Variants in NUBPL observed in about 807,000 individuals in gnomAD.
NUBPL encodes the protein iron-sulfur cluster transfer protein NUBPL.
In NUBPL, 31 loss-of-function variants were observed where a neutral mutation model predicts 45.7. That is an observed-to-expected ratio of 0.68 (90% confidence interval 0.51 to 0.92). The LOEUF (loss-of-function observed/expected upper bound fraction) is 0.92, where lower values mean the gene tolerates loss of function less well. Among genes scored for constraint, NUBPL ranks in the 40% least tolerant of loss-of-function variants. The probability of loss-of-function intolerance (pLI) is 0.00; values close to 1 mark genes in which losing one functional copy is unlikely to be tolerated. For missense variants in NUBPL, 401 were observed against 398.7 expected, an observed-to-expected ratio of 1.01 and a Z score of -0.05; for synonymous variants, 144 against 140.9, an observed-to-expected ratio of 1.02 and a Z score of -0.15.
intron 6 of NUBPL, among the ~76,000 whole-genome samples, chr14:31,725,709 CTTTTTTTTT>C (rs375160082): frequency 9.5e-6 from 1 of 104,974 alleles, no homozygotes; most frequent in African/African-American, 3.8e-5. Context: ...TAGATTTCAG[CTTTTTTTTT>C]TTTTTTTTTT....
chr14:31,729,761 C>G (rs1216260333), intron 6 of NUBPL, among the ~76,000 whole-genome samples: 1 of 152,010 alleles, frequency 6.6e-6, no homozygotes, highest in Non-Finnish European at 1.5e-5. Flanking sequence ...ACTACAGTTA[C>G]TTTTGCACCA....
intron 4 of NUBPL, among the ~76,000 whole-genome samples, chr14:31,656,852 C>G (rs2036152769): frequency 6.6e-6 from 1 of 152,092 alleles, no homozygotes; most frequent in Non-Finnish European, 1.5e-5. Flanking sequence ...TAGGGTTGCA[C>G]AAACCTTTGA....
intron 4 of NUBPL, among the ~76,000 whole-genome samples, chr14:31,672,304 T>C (rs1382391493): frequency 4.1e-5 from 6 of 145,116 alleles, no homozygotes; most frequent in South Asian, 2.2e-4. Flanking sequence ...TGTGTGTGTG[T>C]GTGCATGCAA....
chr14:31,673,337 G>GAT lies in NUBPL; in HGVS notation c.383-17_383-16dup. The GAT allele has an allele frequency of 1.4e-6, 2 of 1,393,378 alleles. No homozygotes were observed. Among genetic ancestry groups the GAT allele is most frequent in the East Asian group, 4.8e-5 (2 of 41,772 alleles). 86.3% of individuals were successfully genotyped at this position (1,393,378 alleles called of 1,614,324 possible). A position where few individuals can be genotyped will look rare whatever the true frequency, so the allele number is the denominator to read the frequency against. On this transcript the variant is annotated splice_polypyrimidine_tract_variant and intron_variant, in intron 4 of 10. Transcript: ENST00000281081. ...TGTGTTTTATTGTTCTAAAAGAGAG[G>GAT]ATTTTTTTTTTTTCCAGGCAACCTA...
At chr14:31,795,193 T>C (rs1281946907) in intron 7 of NUBPL, among the ~76,000 whole-genome samples, 3 of 151,418 alleles carry the variant, frequency 2.0e-5, no homozygotes, top group South Asian at 2.1e-4. Flanking sequence ...TCTTTTGGCT[T>C]AGGATTGACT....
intron 4 of NUBPL, among the ~76,000 whole-genome samples, chr14:31,621,224 G>T (rs2035052168): frequency 6.6e-6 from 1 of 152,196 alleles, no homozygotes; most frequent in African/African-American, 2.4e-5. Context: ...GGGCTCCGTG[G>T]GGTGGGACTT....
chr14:31,605,928 C>G (rs1001284362), intron 4 of NUBPL, among the ~76,000 whole-genome samples: 2 of 147,206 alleles, frequency 1.4e-5, no homozygotes, highest in African/African-American at 2.5e-5. Context: ...CCTCCCTTCT[C>G]CCTCCTCCTC....
In NUBPL at chr14:31,788,002, T is replaced by C. The variant is rs2039314701; in HGVS notation, c.607+129T>C. 51 of 659,498 alleles carry C rather than the reference T, an allele frequency of 7.7e-5. No individual in the cohort carries two copies. In the South Asian group the frequency reaches 8.6e-4, roughly 11 times the overall value. The allele number at this position is 659,498 out of a possible 1,614,324, so 40.9% of individuals were successfully genotyped here. A position where few individuals can be genotyped will look rare whatever the true frequency, so the allele number is the denominator to read the frequency against. On this transcript the variant is annotated intron_variant, in intron 7 of 10. Transcript: ENST00000281081. ...ATTCATTCACTTATAAATTTTTCAT[T>C]AGAGATCAGAAGCATAAATTATTCA...
chr14:31,618,706 A>G (rs1188955084), intron 4 of NUBPL, among the ~76,000 whole-genome samples: 3 of 152,148 alleles, frequency 2.0e-5, no homozygotes, highest in African/African-American at 7.2e-5. Flanking sequence ...TATGTGATCA[A>G]TTTTAGAAGC....
chr14:31,700,266 CTCTTT>C (rs1199661871), intron 6 of NUBPL, among the ~76,000 whole-genome samples: 3 of 152,206 alleles, frequency 2.0e-5, no homozygotes, highest in Non-Finnish European at 4.4e-5. Flanking sequence ...AACCCAACAG[CTCTTT>C]TCTTAGTGGT....
Position 31,561,456 on chromosome 14 carries a change from G to T in NUBPL, c.17G>T (p.Arg6Leu). The change falls in exon 1 of 11, where the codon CGT becomes CTT. Residue 6 changes from arginine (R) to leucine (L), a missense_variant. Transcript: ENST00000281081. The part of the protein sequence containing the change: MGIWQ[R>L]LLLFGGVSLR... ...TTCCGCGTCATGGGGATTTGGCAGCGTCTGCTGCTTTTTGGTGGGGTGTCG... is the reference window on the plus strand; with the variant it reads ...TTCCGCGTCATGGGGATTTGGCAGCTTCTGCTGCTTTTTGGTGGGGTGTCG... 2 of 1,419,366 alleles carry T rather than the reference G, an allele frequency of 1.4e-6. No homozygotes were observed. The highest frequency in any genetic ancestry group is 1.9e-6 in the Non-Finnish European group (2 of 1,076,970). The allele number at this position is 1,419,366 out of a possible 1,614,324, so 87.9% of individuals were successfully genotyped here.
At chr14:31,601,147 G>T (rs2034422105) in intron 4 of NUBPL, among the ~76,000 whole-genome samples, 1 of 152,150 alleles carries the variant, frequency 6.6e-6, no homozygotes, top group African/African-American at 2.4e-5. Flanking sequence ...TGCTGTTTTG[G>T]TTACTGTAAC....
chr14:31,800,977 G>A (rs2039577067), intron 7 of NUBPL: 1 of 152,190 alleles, frequency 6.6e-6, no homozygotes, highest in Non-Finnish European at 1.5e-5. Context: ...GCAGCATTAA[G>A]GAAACCAACC....
At chr14:31,716,952 A>T (rs796837773) in intron 6 of NUBPL, among the ~76,000 whole-genome samples, 4 of 151,738 alleles carry the variant, frequency 2.6e-5, no homozygotes, top group African/African-American at 9.7e-5. Flanking sequence ...TACAATGTCC[A>T]CCCTTTTCTG....
At chr14:31,565,992 CA>C in intron 3 of NUBPL, among the ~76,000 whole-genome samples, 1 of 152,060 alleles carries the variant, frequency 6.6e-6, no homozygotes, top group Middle Eastern at 3.4e-3. Context: ...CATAAATTAT[CA>C]GCTACTAAAT....
At chr14:31,618,767 G>C (rs906839111) in intron 4 of NUBPL, among the ~76,000 whole-genome samples, 3 of 152,148 alleles carry the variant, frequency 2.0e-5, no homozygotes, top group African/African-American at 7.2e-5. Context: ...TTAGGGTGGA[G>C]AGTTCTGTAG....
At chr14:31,657,113 A>C (rs1167542269) in intron 4 of NUBPL, among the ~76,000 whole-genome samples, 2 of 152,214 alleles carry the variant, frequency 1.3e-5, no homozygotes, top group African/African-American at 4.8e-5. Flanking sequence ...TGAAATCTTT[A>C]ATGTAGTCAC....
intron 4 of NUBPL, among the ~76,000 whole-genome samples, chr14:31,666,559 G>A (rs890593029): frequency 5.3e-5 from 8 of 151,992 alleles, no homozygotes; most frequent in South Asian, 2.1e-4. Context: ...CACCGTGCCC[G>A]GCCAAGGTTA....
intron 8 of NUBPL, chr14:31,844,449 G>A (rs181595696): frequency 7.6e-4 from 115 of 152,250 alleles, no homozygotes; most frequent in African/African-American, 2.7e-3. Context: ...TTTCTCTCTA[G>A]CTTTCTGGAG....
Sources: gnomAD v4.1 joint callset for allele counts (sites outside exome capture counted in the v4.1 genomes callset) on GRCh38, gnomAD v4.1.1 for gene constraint, MANE v1.5 for transcripts, NCBI Gene and HGNC (gene_info 2026-07-23, HGNC 2026-07-21) for gene names.